Variants in FREM2 observed in about 807,000 individuals in gnomAD.
The protein encoded by FREM2 is FRAS1-related extracellular matrix protein 2.
A neutral mutation model predicts 219.9 loss-of-function variants in FREM2; 119 were observed. That is an observed-to-expected ratio of 0.54 (90% CI 0.47 to 0.63). The LOEUF (loss-of-function observed/expected upper bound fraction) is 0.63. Ranked by LOEUF, FREM2 falls within the 30% of genes least tolerant of loss-of-function variation. The probability of loss-of-function intolerance (pLI) is 0.00; values close to 1 mark genes in which losing one functional copy is unlikely to be tolerated. For synonymous variants in FREM2, 1,562 were observed against 1,522.8 expected, an observed-to-expected ratio of 1.03 and a Z score of -0.60; for missense variants, 4,030 against 3,993.6, an observed-to-expected ratio of 1.01 and a Z score of -0.25.
intron 4 of FREM2, chr13:38,779,554 A>T (rs1874032295): frequency 6.6e-6 from 1 of 152,166 alleles, no homozygotes; most frequent in African/African-American, 2.4e-5. Context: ...CTAGCCACCA[A>T]GATTGCTGAT....
chr13:38,825,645 A>T (rs768983494), intron 6 of FREM2, among the ~76,000 whole-genome samples: 1 of 152,132 alleles, frequency 6.6e-6, no homozygotes, highest in Non-Finnish European at 1.5e-5. Flanking sequence ...AATGCTGAAC[A>T]GCTCCTTAGT....
chr13:38,751,711 A>G (rs916228570), intron 2 of FREM2, among the ~76,000 whole-genome samples: 1 of 152,208 alleles, frequency 6.6e-6, no homozygotes, highest in East Asian at 1.9e-4. Context: ...AAAGGACTAT[A>G]TGTAAACCAA....
chr13:38,693,122 C>T (rs559998872), intron 1 of FREM2, among the ~76,000 whole-genome samples: 89 of 152,108 alleles, frequency 5.9e-4, no homozygotes, highest in South Asian at 8.3e-4. Flanking sequence ...CATCCAGAGA[C>T]GTAATTGATA....
chr13:38,872,740 A>G lies in FREM2; in HGVS notation c.7984-2A>G, dbSNP rs746120559. The G allele has an allele frequency of 1.2e-6, 2 of 1,613,606 alleles. No individual in the cohort carries two copies. The stretch of plus-strand genomic sequence containing the variant: ...TTGATTGATGTAATTTTGTTGTTTT[A>G]GGTCCTAAACCTAGTGCAGTCCTAT... On this transcript the variant is annotated splice_acceptor_variant, in intron 16 of 23. Transcript: ENST00000280481. LOFTEE classifies it high-confidence loss of function.
intron 16 of FREM2, among the ~76,000 whole-genome samples, chr13:38,871,937 TTA>T (rs1322663323): frequency 1.3e-5 from 2 of 152,198 alleles, no homozygotes; most frequent in African/African-American, 4.8e-5. Context: ...ATTATAAATG[TTA>T]TATGTTATTA....
intron 2 of FREM2, among the ~76,000 whole-genome samples, chr13:38,717,971 A>G (rs1452618524): frequency 1.3e-5 from 2 of 152,188 alleles, no homozygotes; most frequent in African/African-American, 2.4e-5. Context: ...ATACATGCTC[A>G]TTATAAGAGA....
intron 6 of FREM2, among the ~76,000 whole-genome samples, chr13:38,811,280 A>G (rs1875464811): frequency 6.6e-6 from 1 of 151,618 alleles, no homozygotes; most frequent in Admixed American, 6.6e-5. Flanking sequence ...GATCTTGTGT[A>G]TTATATTCTT....
intron 13 of FREM2, 108 bp downstream of exon 13, chr13:38,858,141 A>T: frequency 2.0e-6 from 2 of 980,666 alleles, no homozygotes; most frequent in Admixed American, 3.6e-5. Context: ...GTAGAAAAAT[A>T]CTACATGGTT....
At chr13:38,771,482 G>T (rs2137816918) in intron 4 of FREM2, among the ~76,000 whole-genome samples, 1 of 152,148 alleles carries the variant, frequency 6.6e-6, no homozygotes, top group South Asian at 2.1e-4. Flanking sequence ...CTATTTATAA[G>T]CTCAGAGTGA....
chr13:38,837,765 G>GTTTTTTTTTTTTTTTT (rs151057502), intron 6 of FREM2, among the ~76,000 whole-genome samples: 1 of 140,448 alleles, frequency 7.1e-6, no homozygotes, highest in African/African-American at 2.6e-5. Context: ...GCAACCCCTG[G>GTTTTTTTTTTTTTTTT]TTTTTTTTTG....
At chr13:38,721,126 C>A (rs1175811534) in intron 2 of FREM2, among the ~76,000 whole-genome samples, 6 of 151,890 alleles carry the variant, frequency 4.0e-5, no homozygotes, top group Non-Finnish European at 2.9e-5. Context: ...TGTAACAAAC[C>A]TACACATCCT....
chr13:38,878,020 A>G, intron 21 of FREM2, 114 bp from the exon 22 acceptor site: 1 of 906,770 alleles, frequency 1.1e-6, no homozygotes, highest in Non-Finnish European at 1.8e-6. Context: ...TTGATAGTAG[A>G]TGAGGGTGGC....
intron 2 of FREM2, among the ~76,000 whole-genome samples, chr13:38,728,960 C>T (rs1353273196): frequency 1.3e-5 from 2 of 152,162 alleles, no homozygotes; most frequent in Admixed American, 1.3e-4. Context: ...CTCAGCCTCC[C>T]AAGTAGCTGG....
At position 38,859,548 on chromosome 13, in the gene FREM2, C is replaced by T; in HGVS notation, c.7477C>T (p.Leu2493=). The part of the protein sequence containing the change: ...RAVNTNGDEG[L]ELMSPIVTIS... ...TGTGAACACCAATGGGGATGAAGGC[C>T]TGGAGCTCATGAGCCCTATTGTAAC... Residue 2493 remains leucine, a synonymous_variant, in exon 14 of 24, where the codon CTG becomes TTG. Coordinates refer to ENST00000280481, the MANE Select transcript of FREM2 (RefSeq NM_207361.6). The T allele has an allele frequency of 6.2e-7, 1 of 1,614,072 alleles. No homozygotes were observed. Among genetic ancestry groups the T allele is most frequent in the Non-Finnish European group, 8.5e-7 (1 of 1,180,002 alleles).
intron 4 of FREM2, among the ~76,000 whole-genome samples, chr13:38,780,040 T>TG (rs537513073): frequency 6.1e-4 from 93 of 152,316 alleles, no homozygotes; most frequent in African/African-American, 2.2e-3. Flanking sequence ...CTCCCCTGTG[T>TG]GATTTTATTT....
intron 2 of FREM2, among the ~76,000 whole-genome samples, chr13:38,720,778 G>A (rs1401454495): frequency 3.3e-5 from 5 of 152,158 alleles, no homozygotes; most frequent in Non-Finnish European, 5.9e-5. Flanking sequence ...AAGAGAGGGG[G>A]AAAGACTGAA....
At chr13:38,813,511 T>TCCTCC (rs1362659025) in intron 6 of FREM2, among the ~76,000 whole-genome samples, 1 of 12,920 alleles carries the variant, frequency 7.7e-5, no homozygotes, top group Non-Finnish European at 1.6e-4. Context: ...TCTCTCTCTC[T>TCCTCC]CTCTCTCCTC....
chr13:38,700,067 A>G (rs931736949), intron 2 of FREM2, among the ~76,000 whole-genome samples: 8 of 152,126 alleles, frequency 5.3e-5, no homozygotes, highest in African/African-American at 9.7e-5. Flanking sequence ...CTTCAAATCA[A>G]CGTGATTGAT....
intron 2 of FREM2, among the ~76,000 whole-genome samples, chr13:38,713,437 C>T (rs895533688): frequency 2.0e-5 from 3 of 152,144 alleles, no homozygotes; most frequent in African/African-American, 4.8e-5. Context: ...ATACTCTTAT[C>T]ATGGATATAT....
Sources: allele counts gnomAD v4.1 joint callset (sites outside exome capture counted in the v4.1 genomes callset), GRCh38; gene constraint gnomAD v4.1.1; transcripts MANE v1.5; gene names NCBI Gene and HGNC (gene_info 2026-07-23, HGNC 2026-07-21).